The following CGN variants were observed in gnomAD, a reference collection of about 807,000 sequenced individuals.
The protein encoded by CGN is cingulin.
In CGN, 121 loss-of-function variants were observed where a neutral mutation model predicts 157.1. The observed-to-expected ratio is 0.77, with a 90% CI of 0.66 to 0.90. CGN has a LOEUF of 0.90. CGN is among the 40% of genes least tolerant of loss of function. The pLI, the probability that CGN is intolerant of heterozygous loss-of-function variation, is 0.00. For synonymous variants in CGN, 535 were observed against 607.5 expected, an observed-to-expected ratio of 0.88 and a Z score of 1.76; for missense variants, 1,424 against 1,520.9, an observed-to-expected ratio of 0.94 and a Z score of 1.06.
In CGN at chr1:151,535,704, T is replaced by C. The variant is rs1397471819; in HGVS notation, c.3078+21T>C. 3 of 1,610,972 alleles carry C rather than the reference T, an allele frequency of 1.9e-6. No homozygotes were observed. The East Asian group carries it at 6.7e-5, about 36-fold the overall frequency. On this transcript the variant is annotated intron_variant, in intron 17 of 20. Coordinates refer to ENST00000271636, the MANE Select transcript of CGN (RefSeq NM_020770.3). ...GACAGGTGATGGGGGAGGGGAGGAT[T>C]CTTAGGGATGGACCCCAGGAGGTGA... is the stretch of plus-strand genomic sequence containing the variant.
chr1:151,533,622 G>A (rs1474310940), intron 14 of CGN, among the ~76,000 whole-genome samples: 1 of 149,854 alleles, frequency 6.7e-6, no homozygotes, highest in African/African-American at 2.5e-5. Flanking sequence ...GTGAAACCCC[G>A]TCTCTACTAA....
intron 10 of CGN, chr1:151,527,950 A>ATTTTTTT (rs374689451): frequency 6.1e-5 from 5 of 81,524 alleles, no homozygotes; most frequent in East Asian, 9.5e-4. Flanking sequence ...ATATATATAT[A>ATTTTTTT]TTTTTTTTTT....
chr1:151,523,763 A>C (rs1301043935), intron 6 of CGN, among the ~76,000 whole-genome samples: 1 of 152,216 alleles, frequency 6.6e-6, no homozygotes, highest in Non-Finnish European at 1.5e-5. Flanking sequence ...ATTTGGAGTT[A>C]AGCTACCTGG....
chr1:151,536,376 C>G (rs1239479626), intron 19 of CGN, 31 bp downstream of exon 19: 1 of 1,230,478 alleles, frequency 8.1e-7, no homozygotes, highest in Non-Finnish European at 1.2e-6. Context: ...AGCCAAGCAA[C>G]CTGGGGCAGG....
intron 8 of CGN, 116 bp from the exon 9 acceptor site, chr1:151,525,526 G>T (rs968392165): frequency 8.3e-5 from 57 of 683,410 alleles, no homozygotes; most frequent in Non-Finnish European, 1.2e-4. Context: ...GTGTCAGGGG[G>T]TGCACCTGGC....
Position 151,518,618 on chromosome 1 carries a change from C to T in CGN, c.99C>T (p.Gly33=), listed in dbSNP as rs941207167. ...ITEPVSGAEM[G]TLRRGGRRPA... is the part of the protein sequence containing the mutation. ...AGCCAGTGAGTGGTGCAGAGATGGG[C>T]ACTCTACGTCGAGGTGGACGACGCC... The change falls in exon 2 of 21, where the codon GGC becomes GGT. Residue 33 remains glycine (G), a synonymous_variant. Coordinates refer to ENST00000271636, the MANE Select transcript of CGN (RefSeq NM_020770.3). 1.2e-5 allele frequency: 20 copies of T among 1,614,020 alleles called. No individual in the cohort carries two copies. The highest frequency in any genetic ancestry group is 1.7e-5 in the Non-Finnish European group (20 of 1,180,030).
At chr1:151,536,113 T>G (rs1664962599) in intron 18 of CGN, 124 bp from the exon 19 acceptor site, 1 of 759,004 alleles carries the variant, frequency 1.3e-6, no homozygotes, top group African/African-American at 1.7e-5. Flanking sequence ...GAATCTGCCC[T>G]GGATCCTGCC....
intron 13 of CGN, among the ~76,000 whole-genome samples, chr1:151,530,951 C>A (rs565347020): frequency 2.0e-5 from 3 of 152,094 alleles, no homozygotes; most frequent in African/African-American, 7.2e-5. Context: ...ACCAGCCTGG[C>A]CAACATAGCA....
Position 151,524,645 on chromosome 1 carries a change from C to T in CGN, c.1402-29C>T. The T allele has an allele frequency of 6.4e-7, 1 of 1,556,216 alleles. No individual in the cohort carries two copies. Among genetic ancestry groups the T allele is most frequent in the Admixed American group, 1.9e-5 (1 of 53,334 alleles). On this transcript the variant is annotated intron_variant, in intron 7 of 20. Transcript: ENST00000271636. This position sits in a 1 kb window ranked among gnomAD's most constrained non-coding sequence, Gnocchi z 4.4. ...AACAGATGGATTCTAATATGGTCACCCCTGTACTTCTTCCTTTATTTTCTC... is the reference window on the plus strand; with the variant it reads ...AACAGATGGATTCTAATATGGTCACTCCTGTACTTCTTCCTTTATTTTCTC...
chr1:151,536,265 C>G lies in CGN; in HGVS notation c.3226C>G (p.Arg1076Gly), dbSNP rs142499650. Residue 1076 changes from arginine (R) to glycine (G), a missense_variant, in exon 19 of 21, where the codon CGA (arginine) becomes GGA (glycine). Coordinates refer to ENST00000271636, the MANE Select transcript of CGN (RefSeq NM_020770.3). ...REKTVLQSTN[R>G]KLERKVKELS... ...GAAGACAGTTCTGCAGTCTACCAAT[C>G]GAAAACTGGAGCGGAAAGTTAAAGA... 1 of 1,610,964 alleles carries G rather than the reference C, an allele frequency of 6.2e-7. No homozygotes were observed. The highest frequency in any genetic ancestry group is 8.5e-7 in the Non-Finnish European group (1 of 1,177,214).
chr1:151,520,113 T>C, intron 2 of CGN, 53 bp from the exon 3 acceptor site: 1 of 1,432,968 alleles, frequency 7.0e-7, no homozygotes, highest in Non-Finnish European at 9.5e-7. Flanking sequence ...TGGCCTAATC[T>C]TCCTATTTCT....
chr1:151,523,087 G>A (rs1037836027), intron 5 of CGN, among the ~76,000 whole-genome samples: 3 of 152,146 alleles, frequency 2.0e-5, no homozygotes, highest in African/African-American at 7.2e-5. Flanking sequence ...GGATCCAAGA[G>A]AAAAGCTGCA....
At chr1:151,512,166 G>C (rs1309136893) in intron 1 of CGN, among the ~76,000 whole-genome samples, 1 of 151,906 alleles carries the variant, frequency 6.6e-6, no homozygotes, top group East Asian at 2.0e-4. Context: ...TTCGTGCCAG[G>C]GAGAATCGTT....
In CGN at chr1:151,536,731, T is replaced by C. The variant is rs1664976450; in HGVS notation, c.3308T>C (p.Leu1103Pro). ...RQHVNDQKDQ[L>P]SLRVKALKRQ... is the part of the protein sequence containing the mutation. ...GTGTGGACTTGGTATCCTGCCCAGCTAAGCCTGAGGGTGAAGGCTTTGAAG... is the reference window on the plus strand; with the variant it reads ...GTGTGGACTTGGTATCCTGCCCAGCCAAGCCTGAGGGTGAAGGCTTTGAAG... Residue 1103 changes from leucine (L) to proline (P), a missense_variant and splice_region_variant, in exon 20 of 21, where the codon CTA (leucine) becomes CCA (proline). By Grantham distance (98) the Leu-to-Pro change is moderately conservative. This residue lies in a region of CGN where 199 missense variants were observed against 272.2 expected (regional missense o/e 0.73). Transcript: ENST00000271636. The C allele has an allele frequency of 6.2e-7, 1 of 1,614,080 alleles. No homozygotes were observed. The highest frequency in any genetic ancestry group is 8.5e-7 in the Non-Finnish European group (1 of 1,179,952).
rs763186695 is a variant in CGN at position 151,530,591 on chromosome 1, C to T, written c.2416C>T (p.Gln806Ter). ...ACTGGAGGCACGCCTAGAGGAGGCT[C>T]AGCGGGGGCTGGCCCGCCTGGGGCA... ...RALEARLEEAQRGLARLGQEQ... is the reference protein window; with the variant it reads ...RALEARLEEA The change falls in exon 13 of 21, where the codon CAG becomes TAG. Residue 806 changes from glutamine (Q) to a stop codon, truncating the protein, a stop_gained. Coordinates refer to ENST00000271636, the MANE Select transcript of CGN (RefSeq NM_020770.3). LOFTEE classifies it high-confidence loss of function. 4 of 1,611,448 alleles carry T rather than the reference C, an allele frequency of 2.5e-6. No individual in the cohort carries two copies. The highest frequency in any genetic ancestry group is 1.7e-5 in the Admixed American group (1 of 59,724).
intron 1 of CGN, among the ~76,000 whole-genome samples, chr1:151,517,098 C>T (rs977690345): frequency 1.3e-5 from 2 of 151,990 alleles, no homozygotes; most frequent in African/African-American, 4.8e-5. Flanking sequence ...GCAGAGGTTG[C>T]AGTGAACCAA....
Position 151,532,447 on chromosome 1 carries a change from C to T in CGN, c.2617C>T (p.Gln873Ter), listed in dbSNP as rs753116144. The T allele has an allele frequency of 1.1e-5, 18 of 1,600,316 alleles. No homozygotes were observed. In the East Asian group the frequency reaches 2.7e-4, roughly 24 times the overall value. The change falls in exon 14 of 21, where the codon CAG becomes TAG. Residue 873 changes from glutamine to a stop codon, truncating the protein, a stop_gained. Transcript: ENST00000271636. LOFTEE classifies it high-confidence loss of function. ...EDSKQALQQL[Q>*]AQLEDYKEKA... ...CTCTAAGCAAGCCCTGCAGCAGCTCCAGGCCCAGCTGGAGGATTATAAGGA... is the reference window on the plus strand; with the variant it reads ...CTCTAAGCAAGCCCTGCAGCAGCTCTAGGCCCAGCTGGAGGATTATAAGGA...
At chr1:151,533,075 C>T (rs1664875162) in intron 14 of CGN, among the ~76,000 whole-genome samples, 2 of 152,188 alleles carry the variant, frequency 1.3e-5, no homozygotes, top group Non-Finnish European at 2.9e-5. Flanking sequence ...AAAATCCCCA[C>T]ACCCAGGCTG....
intron 5 of CGN, 107 bp downstream of exon 5, chr1:151,520,798 G>A: frequency 1.1e-6 from 1 of 878,170 alleles, no homozygotes. Context: ...AAGCATGTTT[G>A]TGTCTTATGA....
Sources: allele counts gnomAD v4.1 joint callset (sites outside exome capture counted in the v4.1 genomes callset), GRCh38; gene constraint gnomAD v4.1.1; regional missense constraint gnomAD v4.1.1; non-coding constraint Gnocchi (gnomAD v3.1); transcripts MANE v1.5; gene names NCBI Gene and HGNC (gene_info 2026-07-23, HGNC 2026-07-21).